The following NDUFA9 variants were observed in gnomAD, a reference collection of about 807,000 sequenced individuals.
The protein encoded by NDUFA9 is NADH:ubiquinone oxidoreductase subunit A9, also known as NADH dehydrogenase [ubiquinone] 1 alpha subcomplex subunit 9, mitochondrial.
NDUFA9 carries 23 observed loss-of-function variants against 45.9 expected under a neutral mutation model. That is an observed-to-expected ratio of 0.50 (90% CI 0.36 to 0.71). The LOEUF (loss-of-function observed/expected upper bound fraction) is 0.71, where lower values mean the gene tolerates loss of function less well. Ranked by LOEUF, NDUFA9 falls within the 30% of genes least tolerant of loss-of-function variation. The pLI is 0.00. For missense variants in NDUFA9, 466 were observed against 488.2 expected (o/e 0.95, Z 0.43); for synonymous variants, 176 against 170.5 (o/e 1.03, Z -0.25).
chr12:4,671,459 T>C lies in NDUFA9; in HGVS notation c.800+1642T>C, dbSNP rs925645743. ...ACAATTAAATTTATTATATTATACCTAATAAGTAATGACATACCATGTTCA... is the reference window on the plus strand; with the variant it reads ...ACAATTAAATTTATTATATTATACCCAATAAGTAATGACATACCATGTTCA... On this transcript the variant is annotated intron_variant, in intron 8 of 10. Coordinates refer to ENST00000266544, the MANE Select transcript of NDUFA9 (RefSeq NM_005002.5). Among the ~76,000 whole-genome samples, 5 of 152,088 alleles carry C rather than the reference T, an allele frequency of 3.3e-5. No homozygotes were observed. In the East Asian group the frequency reaches 7.7e-4, roughly 23 times the overall value.
At position 4,654,875 on chromosome 12, in the gene NDUFA9, A is replaced by G. The variant is rs1302435802; in HGVS notation, c.271A>G (p.Ile91Val). 2 of 1,614,084 alleles carry G rather than the reference A, an allele frequency of 1.2e-6. No homozygotes were observed. The highest frequency in any genetic ancestry group is 4.5e-5 in the East Asian group (2 of 44,888). ...IIPYRCDKYD[I>V]MHLRPMGDLG... ...ACCCTATCGGTGTGATAAATATGAC[A>G]TCATGCACCTTCGTCCCATGGGTGA... Residue 91 changes from isoleucine (I) to valine (V), a missense_variant, in exon 3 of 11, where the codon ATC (isoleucine) becomes GTC (valine). Ile to Val is a conservative substitution (Grantham distance 29). Transcript: ENST00000266544.
Position 4,691,094 on chromosome 12 carries a change from C to G in NDUFA9, c.*3986C>G, listed in dbSNP as rs1206511377. Reference sequence around the variant, plus strand: ...GCTTCGAATATGAGTTCCACTACTTCTTAGTTGTGAGATTGGACAAGTCAC... The same window carrying G: ...GCTTCGAATATGAGTTCCACTACTTGTTAGTTGTGAGATTGGACAAGTCAC... On this transcript the variant is annotated 3_prime_UTR_variant, in exon 11 of 11. Coordinates refer to ENST00000266544, the MANE Select transcript of NDUFA9 (RefSeq NM_005002.5). 1.3e-5 allele frequency: 2 copies of G among 152,138 alleles called. No individual in the cohort carries two copies. Among genetic ancestry groups the G allele is most frequent in the East Asian group, 3.9e-4 (2 of 5,190 alleles). The allele number at this position is 152,138 out of a possible 1,614,324, so 9.4% of individuals were successfully genotyped here.
rs546358072 is a variant in NDUFA9 at position 4,691,026 on chromosome 12, A to G, written c.*3918A>G. 6.6e-6 allele frequency: 1 copy of G among 152,310 alleles called. No individual in the cohort carries two copies. Among genetic ancestry groups the G allele is most frequent in the East Asian group, 1.9e-4 (1 of 5,166 alleles). 9.4% of individuals were successfully genotyped at this position (152,310 alleles called of 1,614,324 possible). The stretch of plus-strand genomic sequence containing the variant: ...AGGGGCACAAGCGAGTTTAACCTTT[A>G]CCTTGGAGGTGATGCAGAGCAGTTG... On this transcript the variant is annotated 3_prime_UTR_variant, in exon 11 of 11. Transcript: ENST00000266544.
In NDUFA9 at chr12:4,657,736, C is replaced by T; in HGVS notation, c.319-12C>T. ...CCCTATGTTTTCATCCGATTGCTTTCTGCTATTATAGGAATGGGACGCGAG... is the reference window on the plus strand; with the variant it reads ...CCCTATGTTTTCATCCGATTGCTTTTTGCTATTATAGGAATGGGACGCGAG... On this transcript the variant is annotated splice_polypyrimidine_tract_variant and intron_variant, in intron 3 of 10. Coordinates refer to ENST00000266544, the MANE Select transcript of NDUFA9 (RefSeq NM_005002.5). 1 of 1,598,340 alleles carries T rather than the reference C, an allele frequency of 6.3e-7. No homozygotes were observed. Among genetic ancestry groups the T allele is most frequent in the Non-Finnish European group, 8.6e-7 (1 of 1,166,666 alleles).
In NDUFA9 at chr12:4,668,466, G is replaced by T; in HGVS notation, c.665G>T (p.Arg222Leu). Residue 222 changes from arginine to leucine, a missense_variant, in exon 7 of 11, where the codon CGG (arginine) becomes CTG (leucine). Coordinates refer to ENST00000266544, the MANE Select transcript of NDUFA9 (RefSeq NM_005002.5). ...TTCTTTCTTCCGCTAGGTATGCATC[G>T]GTTTGGTCCTATACCCCTTGGTTCC... Reference protein sequence around the residue: ...RFLNSFASMHRFGPIPLGSLG... With the variant: ...RFLNSFASMHLFGPIPLGSLG... The T allele has an allele frequency of 6.2e-7, 1 of 1,613,234 alleles. No individual in the cohort carries two copies. Among genetic ancestry groups the T allele is most frequent in the Non-Finnish European group, 8.5e-7 (1 of 1,179,288 alleles).
rs529544454 is a variant in NDUFA9, at chr12:4,694,090, A to G, written c.*6982A>G. ...TTCCTGGCTGTTTGATTTTGATTCT[A>G]TGGGAGCTATCTTGCAACTCTGTAA... On this transcript the variant is annotated 3_prime_UTR_variant, in exon 11 of 11. Coordinates refer to ENST00000266544, the MANE Select transcript of NDUFA9 (RefSeq NM_005002.5). 2.6e-5 allele frequency: 4 copies of G among 152,344 alleles called. No individual in the cohort carries two copies. Among genetic ancestry groups the G allele is most frequent in the Admixed American group, 1.3e-4 (2 of 15,300 alleles). The allele number at this position is 152,344 out of a possible 1,614,324, so 9.4% of individuals were successfully genotyped here. A position where few individuals can be genotyped will look rare whatever the true frequency, so the allele number is the denominator to read the frequency against.
In NDUFA9 at chr12:4,693,140, A is replaced by C. The variant is rs1162086501; in HGVS notation, c.*6032A>C. 1 of 152,166 alleles carries C rather than the reference A, an allele frequency of 6.6e-6. No homozygotes were observed. Among genetic ancestry groups the C allele is most frequent in the African/African-American group, 2.4e-5 (1 of 41,432 alleles). The allele number at this position is 152,166 out of a possible 1,614,324, so 9.4% of individuals were successfully genotyped here. On this transcript the variant is annotated 3_prime_UTR_variant, in exon 11 of 11. Coordinates refer to ENST00000266544, the MANE Select transcript of NDUFA9 (RefSeq NM_005002.5). ...TCTCTTTAAAAAAATAAAGCACTTG[A>C]AGCAGAACTTTTTATCTGTCATAAT...
chr12:4,676,931 C>T (rs149943950), intron 8 of NDUFA9, among the ~76,000 whole-genome samples: 1,786 of 152,148 alleles, frequency 0.012, 22 homozygotes, highest in East Asian at 0.035. Context: ...CAAAACAGCA[C>T]GGTACTGGTA....
chr12:4,686,424 GTT>G (rs111320780), intron 10 of NDUFA9, among the ~76,000 whole-genome samples: 20 of 135,432 alleles, frequency 1.5e-4, no homozygotes, highest in Admixed American at 1.5e-4. Flanking sequence ...AAAGTTACTT[GTT>G]TTTTTTTTTT....
Position 4,659,167 on chromosome 12 carries a change from T to G in NDUFA9, c.542T>G (p.Leu181Trp). The change falls in exon 5 of 11, where the codon TTG becomes TGG. Residue 181 changes from leucine to tryptophan, a missense_variant. Coordinates refer to ENST00000266544, the MANE Select transcript of NDUFA9 (RefSeq NM_005002.5). Reference protein sequence around the residue: ...NANIKSSSRYLRNKAVGEKVV... With the variant: ...NANIKSSSRYWRNKAVGEKVV... ...AATATTAAAAGCTCTTCTAGATATT[T>G]GAGAAATAAGGTAAGTAACAAATTG... 1 of 1,611,294 alleles carries G rather than the reference T, an allele frequency of 6.2e-7. No individual in the cohort carries two copies. Among genetic ancestry groups the G allele is most frequent in the Non-Finnish European group, 8.5e-7 (1 of 1,177,944 alleles).
rs151297826 is a variant in NDUFA9, at chr12:4,692,802, G to T, written c.*5694G>T. On this transcript the variant is annotated 3_prime_UTR_variant, in exon 11 of 11. Coordinates refer to ENST00000266544, the MANE Select transcript of NDUFA9 (RefSeq NM_005002.5). The stretch of plus-strand genomic sequence containing the variant: ...ATAGTATATGATAGCAGTAGTATAC[G>T]ATAGCATGTGTGTGAGTCCATTTTG... 6.6e-6 allele frequency: 1 copy of T among 152,232 alleles called. No individual in the cohort carries two copies. Among genetic ancestry groups the T allele is most frequent in the African/African-American group, 2.4e-5 (1 of 41,428 alleles). The allele number at this position is 152,232 out of a possible 1,614,324, so 9.4% of individuals were successfully genotyped here. A position where few individuals can be genotyped will look rare whatever the true frequency, so the allele number is the denominator to read the frequency against.
At chr12:4,653,704 TC>T (rs1453715948) in intron 1 of NDUFA9, 18 of 385,638 alleles carry the variant, frequency 4.7e-5, no homozygotes, top group South Asian at 1.8e-4. Flanking sequence ...TGAACTGCAT[TC>T]TTTTTTTTTT....
At chr12:4,672,664 A>G (rs1945894572) in intron 8 of NDUFA9, among the ~76,000 whole-genome samples, 1 of 152,268 alleles carries the variant, frequency 6.6e-6, no homozygotes, top group Admixed American at 6.5e-5. Context: ...CACTGTGGCC[A>G]GACTGCCTCT....
At chr12:4,655,889 G>A (rs572234580) in intron 3 of NDUFA9, 3 of 152,234 alleles carry the variant, frequency 2.0e-5, no homozygotes, top group African/African-American at 7.2e-5. Context: ...AATATCCTAC[G>A]GAGCACAGGA....
chr12:4,662,478 A>T, intron 5 of NDUFA9, 55 bp from the exon 6 acceptor site: 1 of 1,311,396 alleles, frequency 7.6e-7, no homozygotes, highest in South Asian at 1.2e-5. Context: ...GAAAGAATGG[A>T]TGCTTTATTC....
rs1383620775 is a variant in NDUFA9 at position 4,691,783 on chromosome 12, G to A, written c.*4675G>A. 2 of 144,686 alleles carry A rather than the reference G, an allele frequency of 1.4e-5. No homozygotes were observed. The highest frequency in any genetic ancestry group is 3.0e-5 in the Non-Finnish European group (2 of 66,364). 9.0% of individuals were successfully genotyped at this position (144,686 alleles called of 1,614,324 possible). A position where few individuals can be genotyped will look rare whatever the true frequency, so the allele number is the denominator to read the frequency against. Reference sequence around the variant, plus strand: ...GAGAGTGTAGAAGTACTGAGAACAAGAAGCCATGTGGATCCTGTGAGGGCC... The same window carrying A: ...GAGAGTGTAGAAGTACTGAGAACAAAAAGCCATGTGGATCCTGTGAGGGCC... On this transcript the variant is annotated 3_prime_UTR_variant, in exon 11 of 11. Coordinates refer to ENST00000266544, the MANE Select transcript of NDUFA9 (RefSeq NM_005002.5).
Position 4,649,187 on chromosome 12 carries a change from C to T in NDUFA9, c.49+12C>T. 2 of 1,599,502 alleles carry T rather than the reference C, an allele frequency of 1.3e-6. No homozygotes were observed. Among genetic ancestry groups the T allele is most frequent in the Non-Finnish European group, 1.7e-6 (2 of 1,173,024 alleles). Reference sequence around the variant, plus strand: ...CCTGTCAATGTCACGTAAGTGTTACCGGGAACGGCGGCCCCTGGTCGGGAT... The same window carrying T: ...CCTGTCAATGTCACGTAAGTGTTACTGGGAACGGCGGCCCCTGGTCGGGAT... On this transcript the variant is annotated intron_variant, in intron 1 of 10. Coordinates refer to ENST00000266544, the MANE Select transcript of NDUFA9 (RefSeq NM_005002.5).
At chr12:4,661,673 C>T (rs979426449) in intron 5 of NDUFA9, among the ~76,000 whole-genome samples, 22 of 105,094 alleles carry the variant, frequency 2.1e-4, no homozygotes, top group African/African-American at 2.8e-4. Flanking sequence ...CAGGAACAGT[C>T]GGAAGAGTTG....
chr12:4,669,030 A>G (rs1160227316), intron 7 of NDUFA9, among the ~76,000 whole-genome samples: 1 of 152,228 alleles, frequency 6.6e-6, no homozygotes, highest in African/African-American at 2.4e-5. Flanking sequence ...AGGGAACAGT[A>G]TATACAGGGG....
Sources: gnomAD v4.1 joint callset for allele counts (sites outside exome capture counted in the v4.1 genomes callset) on GRCh38, gnomAD v4.1.1 for gene constraint, MANE v1.5 for transcripts, NCBI Gene and HGNC (gene_info 2026-07-23, HGNC 2026-07-21) for gene names.